NRG1: variants seen among roughly 807,000 people sequenced by gnomAD.
NRG1 encodes the protein pro-neuregulin-1, membrane-bound isoform.
A neutral mutation model predicts 63.8 loss-of-function variants in NRG1; 18 were observed. That is an observed-to-expected ratio of 0.28 (90% confidence interval 0.19 to 0.42). The LOEUF (loss-of-function observed/expected upper bound fraction) is 0.42, where lower values mean the gene tolerates loss of function less well. Ranked by LOEUF, NRG1 falls within the 10% of genes least tolerant of loss-of-function variation. The pLI is 1.00. For synonymous variants in NRG1, 302 were observed against 301.3 expected (o/e 1.00, Z -0.02); for missense variants, 762 against 814.7 (o/e 0.94, Z 0.79).
At chr8:32,463,871 ATTCTTTTTTTTTTTTTTTTTTTTTT>A (rs1822661624) in intron 1 of NRG1, among the ~76,000 whole-genome samples, 1 of 80,506 alleles carries the variant, frequency 1.2e-5, no homozygotes, top group African/African-American at 4.3e-5. Flanking sequence ...AAAACTTAGA[ATTCTTTTTTTTTTTTTTTTTTTTTT>A]TTTTTTTTTT....
chr8:31,984,873 C>G (rs1002998858), intron 1 of NRG1, among the ~76,000 whole-genome samples: 1 of 152,036 alleles, frequency 6.6e-6, no homozygotes, highest in Non-Finnish European at 1.5e-5. Flanking sequence ...CTTTGCAGCT[C>G]TTATTGACTG....
exon 1 of NRG1, chr8:31,639,270 C>T: frequency 8.2e-7 from 1 of 1,221,962 alleles, no homozygotes; most frequent in Non-Finnish European, 1.2e-6. Flanking sequence ...CCCACTCGGA[C>T]TGCAGCCTGT....
intron 1 of NRG1, among the ~76,000 whole-genome samples, chr8:32,005,438 G>T (rs1200912834): frequency 6.6e-6 from 1 of 151,828 alleles, no homozygotes; most frequent in African/African-American, 2.4e-5. Flanking sequence ...GATTGGTCAA[G>T]GATGAAAGAA....
At chr8:32,388,220 G>A (rs1158498272) in intron 1 of NRG1, among the ~76,000 whole-genome samples, 1 of 152,120 alleles carries the variant, frequency 6.6e-6, no homozygotes. Flanking sequence ...TAAGGGTTGT[G>A]AACTTTACAT....
intron 1 of NRG1, among the ~76,000 whole-genome samples, chr8:32,275,670 T>A (rs780340167): frequency 4.6e-5 from 7 of 152,144 alleles, no homozygotes; most frequent in Non-Finnish European, 1.0e-4. Flanking sequence ...GAAGTAACCG[T>A]ACGTCAAATT....
At chr8:32,732,992 C>T (rs1042924926) in intron 6 of NRG1, among the ~76,000 whole-genome samples, 10 of 151,490 alleles carry the variant, frequency 6.6e-5, no homozygotes, top group Non-Finnish European at 1.5e-4. Flanking sequence ...TATTTAGTAG[C>T]GACAGGGTTT....
intron 1 of NRG1, among the ~76,000 whole-genome samples, chr8:32,040,571 TTGTC>T (rs202175072): frequency 0.066 from 9,367 of 141,308 alleles, 416 homozygotes; most frequent in South Asian, 0.13. Context: ...AAAAATGTGT[TTGTC>T]TGGTTGTGTG....
intron 4 of NRG1, among the ~76,000 whole-genome samples, chr8:32,614,959 C>A (rs1428000115): frequency 6.6e-6 from 1 of 152,060 alleles, no homozygotes; most frequent in African/African-American, 2.4e-5. Flanking sequence ...GATCCGTGAC[C>A]TTTGGGTTTC....
intron 1 of NRG1, among the ~76,000 whole-genome samples, chr8:32,125,424 C>G (rs1833949821): frequency 6.6e-6 from 1 of 151,908 alleles, no homozygotes; most frequent in Non-Finnish European, 1.5e-5. Flanking sequence ...TGCTTCAAAT[C>G]TCAGTCTTTA....
rs187295637 is a variant in NRG1, at chr8:32,030,931, C to A, written c.37+391500C>A. The stretch of plus-strand genomic sequence containing the variant: ...ATAAACAGCCAGCATATAATACTAA[C>A]AACTCAATGAAAGATACTTCCCCAG... On this transcript the variant is annotated intron_variant, in intron 1 of 10. Coordinates refer to the NRG1 transcript ENST00000519301. 3.3e-3 allele frequency among the ~76,000 whole-genome samples: 500 copies of A among 152,246 alleles called. 1 individual carries two copies. Among genetic ancestry groups the A allele is most frequent in the African/African-American group, 0.011 (475 of 41,562 alleles).
intron 5 of NRG1, among the ~76,000 whole-genome samples, chr8:32,676,744 A>G (rs1030447110): frequency 1.3e-5 from 2 of 152,106 alleles, no homozygotes; most frequent in Non-Finnish European, 2.9e-5. Flanking sequence ...GGGAATGTCT[A>G]GTATTCGTAG....
At chr8:31,779,241 C>A (rs1371192943) in intron 1 of NRG1, among the ~76,000 whole-genome samples, 2 of 152,044 alleles carry the variant, frequency 1.3e-5, no homozygotes, top group African/African-American at 4.8e-5. Context: ...GCTATGTGTG[C>A]AAAGGACCTG....
intron 1 of NRG1, among the ~76,000 whole-genome samples, chr8:32,153,219 C>T (rs564133514): frequency 5.3e-5 from 8 of 152,068 alleles, no homozygotes; most frequent in South Asian, 2.1e-4. Context: ...AGTACAGGGG[C>T]GAGCTTCCAG....
intron 1 of NRG1, among the ~76,000 whole-genome samples, chr8:32,194,641 A>T (rs538875119): frequency 6.6e-6 from 1 of 152,230 alleles, no homozygotes; most frequent in East Asian, 1.9e-4. Context: ...CAAAACCACC[A>T]TACCCACTGA....
intron 1 of NRG1, among the ~76,000 whole-genome samples, chr8:32,475,814 C>G (rs1016473844): frequency 3.3e-5 from 5 of 152,202 alleles, no homozygotes; most frequent in Non-Finnish European, 5.9e-5. Context: ...TTGGTTCTAT[C>G]ACTCACAGGT....
chr8:32,079,324 G>A (rs565944634), intron 1 of NRG1, among the ~76,000 whole-genome samples: 66 of 152,212 alleles, frequency 4.3e-4, no homozygotes, highest in Non-Finnish European at 6.8e-4. Context: ...TTTCTTTACA[G>A]GTGGGAATGA....
intron 1 of NRG1, among the ~76,000 whole-genome samples, chr8:32,202,982 C>T (rs1260154684): frequency 6.6e-6 from 1 of 151,728 alleles, no homozygotes; most frequent in Non-Finnish European, 1.5e-5. Flanking sequence ...TCTTTTGCCT[C>T]CTGTCCATAT....
chr8:32,353,848 C>A (rs1200605700), intron 1 of NRG1, among the ~76,000 whole-genome samples: 2 of 152,150 alleles, frequency 1.3e-5, no homozygotes, highest in African/African-American at 4.8e-5. Context: ...AAGCCTATGT[C>A]CATACAAAGA....
chr8:32,704,419 A>T (rs1480559658), intron 5 of NRG1, among the ~76,000 whole-genome samples: 1 of 152,264 alleles, frequency 6.6e-6, no homozygotes, highest in East Asian at 1.9e-4. Flanking sequence ...AGTTTGCAGA[A>T]GACTAAGTGA....
Sources: allele counts gnomAD v4.1 joint callset (sites outside exome capture counted in the v4.1 genomes callset), GRCh38; gene constraint gnomAD v4.1.1; transcripts MANE v1.5; gene names NCBI Gene and HGNC (gene_info 2026-07-23, HGNC 2026-07-21).